BLTP1: variants seen among roughly 807,000 people sequenced by gnomAD.
BLTP1 encodes the protein bridge-like lipid transfer protein family member 1, also known as fragile site-associated protein.
chr4:122,237,353 T>C, the BLTP1 span: 14 of 985,258 alleles, frequency 1.4e-5, no homozygotes, highest in Non-Finnish European at 1.6e-5. Flanking sequence ...ACAGTGGTGC[T>C]TCACTCTGAT....
the BLTP1 span, chr4:122,208,498 T>TA: frequency 1.1e-6 from 1 of 950,960 alleles, no homozygotes; most frequent in Non-Finnish European, 1.3e-6. Context: ...AAATGAGACT[T>TA]ACTAGAATCA....
At chr4:122,169,004 G>C in the BLTP1 span, among the ~76,000 whole-genome samples, 9 of 152,266 alleles carry the variant, frequency 5.9e-5, no homozygotes, top group African/African-American at 2.2e-4. Flanking sequence ...CTGGAGTGCA[G>C]TAGCATGATC....
the BLTP1 span, chr4:122,316,667 G>C: frequency 6.4e-7 from 1 of 1,562,908 alleles, no homozygotes. Context: ...TGTTAATTTT[G>C]TGATAGTATA....
At chr4:122,230,085 A>C in the BLTP1 span, 1 of 1,614,062 alleles carries the variant, frequency 6.2e-7, no homozygotes, top group African/African-American at 1.3e-5. Flanking sequence ...CGGAGGGCCT[A>C]TTGGCTTGAA....
At chr4:122,235,543 C>T in the BLTP1 span, 327 of 898,220 alleles carry the variant, frequency 3.6e-4, 1 homozygote, top group African/African-American at 5.4e-3. Flanking sequence ...TGGTGGCTCA[C>T]ACCTGTAATC....
the BLTP1 span, chr4:122,359,400 G>C: frequency 1.6e-5 from 15 of 915,516 alleles, no homozygotes; most frequent in Admixed American, 8.7e-4. Context: ...TCAATAATTG[G>C]TACTTATGGC....
At chr4:122,244,963 A>G in the BLTP1 span, 1 of 1,577,124 alleles carries the variant, frequency 6.3e-7, no homozygotes, top group Admixed American at 1.7e-5. Context: ...GTTTACATAA[A>G]CTAAGTTGTA....
the BLTP1 span, among the ~76,000 whole-genome samples, chr4:122,259,670 G>T: frequency 6.6e-6 from 1 of 152,038 alleles, no homozygotes. Flanking sequence ...GACCAGCCTG[G>T]CCAAGATGGT....
At chr4:122,257,539 A>ATTTCT in the BLTP1 span, 1 of 1,573,618 alleles carries the variant, frequency 6.4e-7, no homozygotes, top group East Asian at 2.2e-5. Context: ...ACACCTCACA[A>ATTTCT]AACTAGGGTG....
the BLTP1 span, among the ~76,000 whole-genome samples, chr4:122,268,269 T>C: frequency 2.0e-5 from 3 of 152,238 alleles, no homozygotes; most frequent in South Asian, 6.2e-4. Context: ...TTATTTCTTT[T>C]TAAAAACTTA....
chr4:122,262,964 T>C, the BLTP1 span: 536 of 1,613,808 alleles, frequency 3.3e-4, 2 homozygotes, highest in African/African-American at 6.2e-3. Context: ...CTGTGAAAAG[T>C]AGCTCCCTAA....
chr4:122,192,452 A>C, the BLTP1 span: 1 of 1,025,554 alleles, frequency 9.8e-7, no homozygotes, highest in Admixed American at 2.3e-5. Context: ...AATAAAAGCT[A>C]GCTTAAAATT....
At chr4:122,200,886 C>T in the BLTP1 span, 2 of 1,384,696 alleles carry the variant, frequency 1.4e-6, no homozygotes, top group African/African-American at 2.9e-5. Context: ...AAGGGACCTT[C>T]TGTTCAGCTC....
chr4:122,362,013 CTG>C, the BLTP1 span: 2 of 1,589,434 alleles, frequency 1.3e-6, no homozygotes, highest in Non-Finnish European at 8.6e-7. Flanking sequence ...TTAATAATAA[CTG>C]TAATTTTTAT....
the BLTP1 span, chr4:122,219,332 A>G: frequency 6.2e-7 from 1 of 1,610,390 alleles, no homozygotes; most frequent in South Asian, 1.1e-5. Context: ...TTTTCTTAAT[A>G]TTTATAGGAA....
the BLTP1 span, chr4:122,269,177 T>G: frequency 1.9e-6 from 1 of 522,594 alleles, no homozygotes. Flanking sequence ...TATAAATATG[T>G]TTATATGTAT....
the BLTP1 span, chr4:122,221,943 T>A: frequency 1.0e-6 from 1 of 972,872 alleles, no homozygotes; most frequent in South Asian, 4.8e-5. Flanking sequence ...AAACATTTTA[T>A]TGAGCTGATT....
the BLTP1 span, chr4:122,356,970 G>A: frequency 1.0e-6 from 1 of 982,988 alleles, no homozygotes; most frequent in Non-Finnish European, 1.2e-6. Context: ...AAGTGTTTCT[G>A]TATACATTAT....
the BLTP1 span, chr4:122,248,898 T>C: frequency 5.7e-6 from 1 of 176,964 alleles, no homozygotes; most frequent in Non-Finnish European, 1.1e-5. Context: ...GTTTTTAATA[T>C]TCTTTTTGTT....
Sources: allele counts gnomAD v4.1 joint callset (sites outside exome capture counted in the v4.1 genomes callset), GRCh38; gene constraint gnomAD v4.1.1; transcripts MANE v1.5; gene names NCBI Gene and HGNC (gene_info 2026-07-23, HGNC 2026-07-21).